The following FBXL2 variants were observed in gnomAD, a reference collection of about 807,000 sequenced individuals.
The protein encoded by FBXL2 is F-box and leucine rich repeat protein 2.
A neutral mutation model predicts 69.2 loss-of-function variants in FBXL2; 38 were observed. That is an observed-to-expected ratio of 0.55 (90% CI 0.42 to 0.72). The LOEUF is 0.72. Among genes scored for constraint, FBXL2 ranks in the 30% least tolerant of loss-of-function variants. The pLI is 0.00. For missense variants in FBXL2, 354 were observed against 520.3 expected (o/e 0.68, Z 3.11); for synonymous variants, 192 against 201.3 (o/e 0.95, Z 0.39).
chr3:33,277,611 A>C (rs1441931544), intron 1 of FBXL2, 96 bp downstream of exon 1: 1 of 1,197,710 alleles, frequency 8.3e-7, no homozygotes, highest in Non-Finnish European at 1.1e-6. Context: ...CAGGCGGCGC[A>C]GGGGTCGTGG....
At chr3:33,397,173 A>G (rs1216076750) in intron 12 of FBXL2, 5 of 1,490,858 alleles carry the variant, frequency 3.4e-6, no homozygotes, top group Non-Finnish European at 4.5e-6. Flanking sequence ...AAATAAATGG[A>G]AAAAGAACAG....
chr3:33,312,459 TTTGTGATTC>T (rs2037298005), intron 2 of FBXL2, among the ~76,000 whole-genome samples: 2 of 152,194 alleles, frequency 1.3e-5, no homozygotes, highest in Non-Finnish European at 2.9e-5. Context: ...TTTCCTGATT[TTTGTGATTC>T]TTGTGGCTGT....
downstream of FBXL2, chr3:33,390,555 C>T (rs2043719187): frequency 1.6e-6 from 1 of 633,950 alleles, no homozygotes. Flanking sequence ...TGTACACATT[C>T]CCTTTTTAGA....
At chr3:33,286,770 T>C (rs1474248972) in intron 1 of FBXL2, among the ~76,000 whole-genome samples, 1 of 152,224 alleles carries the variant, frequency 6.6e-6, no homozygotes, top group African/African-American at 2.4e-5. Flanking sequence ...TCTCCTGCCT[T>C]GCAGTTCAAT....
Position 33,386,181 on chromosome 3 carries a change from CAAAGA to C in FBXL2, c.*579_*583del, listed in dbSNP as rs2043417701. ...ATGTTAATAGGTTTCCATGAGACAC[CAAAGA>C]AAAGAGGACTCTATACTGGGTGGAG... is the stretch of plus-strand genomic sequence containing the variant. On this transcript the variant is annotated 3_prime_UTR_variant, in exon 15 of 15. Coordinates refer to ENST00000484457, the MANE Select transcript of FBXL2 (RefSeq NM_012157.5). 6.3e-6 allele frequency: 1 copy of C among 158,480 alleles called. No homozygotes were observed. The highest frequency in any genetic ancestry group is 2.4e-5 in the African/African-American group (1 of 41,394). The allele number at this position is 158,480 out of a possible 1,614,324, so 9.8% of individuals were successfully genotyped here. A position where few individuals can be genotyped will look rare whatever the true frequency, so the allele number is the denominator to read the frequency against.
chr3:33,422,184 G>A, the FBXL2 span, among the ~76,000 whole-genome samples: 1 of 152,286 alleles, frequency 6.6e-6, no homozygotes, highest in Admixed American at 6.5e-5. Context: ...AAGAGGTAGG[G>A]TGAAAGATAC....
chr3:33,373,731 G>A (rs1467189630), intron 8 of FBXL2, 27 bp downstream of exon 8: 35 of 1,614,056 alleles, frequency 2.2e-5, no homozygotes, highest in Non-Finnish European at 2.9e-5. Context: ...ACAGCTGTTT[G>A]TGTTATGTGT....
intron 2 of FBXL2, among the ~76,000 whole-genome samples, chr3:33,334,310 A>G (rs539538441): frequency 6.6e-6 from 1 of 152,316 alleles, no homozygotes; most frequent in South Asian, 2.1e-4. Flanking sequence ...GGAAAGATGG[A>G]TGTAAGGATT....
intron 12 of FBXL2, among the ~76,000 whole-genome samples, chr3:33,398,914 A>G (rs969366464): frequency 6.6e-6 from 1 of 152,226 alleles, no homozygotes; most frequent in Non-Finnish European, 1.5e-5. Flanking sequence ...AAAAGGCTTT[A>G]CTTAATCATA....
chr3:33,393,101 C>G, intron 12 of FBXL2: 1 of 524,786 alleles, frequency 1.9e-6, no homozygotes, highest in Non-Finnish European at 3.1e-6. Flanking sequence ...TGGGGGGAGG[C>G]TAAGCCAGTT....
At chr3:33,354,148 TA>T (rs2041025625) in intron 2 of FBXL2, among the ~76,000 whole-genome samples, 1 of 152,176 alleles carries the variant, frequency 6.6e-6, no homozygotes, top group South Asian at 2.1e-4. Context: ...ATGTTAATGA[TA>T]GGGGGAACTA....
chr3:33,330,142 C>T (rs562741657), intron 2 of FBXL2, among the ~76,000 whole-genome samples: 5 of 152,054 alleles, frequency 3.3e-5, no homozygotes, highest in African/African-American at 1.2e-4. Flanking sequence ...AATTAGCCAG[C>T]TGTGGTCTTG....
chr3:33,280,570 A>G (rs931395611), intron 1 of FBXL2, among the ~76,000 whole-genome samples: 1 of 152,022 alleles, frequency 6.6e-6, no homozygotes, highest in Non-Finnish European at 1.5e-5. Context: ...TTAGCCAGGC[A>G]TGGTGGTGCA....
intron 1 of FBXL2, among the ~76,000 whole-genome samples, chr3:33,293,701 A>G (rs1575100120): frequency 6.6e-6 from 1 of 152,148 alleles, no homozygotes; most frequent in Non-Finnish European, 1.5e-5. Context: ...TCTTTGTAAT[A>G]ACAGAAAATA....
intron 2 of FBXL2, among the ~76,000 whole-genome samples, chr3:33,319,048 T>C (rs1306421150): frequency 1.3e-5 from 2 of 152,218 alleles, no homozygotes; most frequent in Non-Finnish European, 2.9e-5. Context: ...CCAGGCAAGA[T>C]GGGAGTTTTC....
At chr3:33,313,959 C>G (rs2037443848) in intron 2 of FBXL2, among the ~76,000 whole-genome samples, 1 of 152,072 alleles carries the variant, frequency 6.6e-6, no homozygotes. Flanking sequence ...ATTTTCTTTT[C>G]TTGATTATCT....
At chr3:33,331,630 G>C (rs957179198) in intron 2 of FBXL2, among the ~76,000 whole-genome samples, 1 of 152,094 alleles carries the variant, frequency 6.6e-6, no homozygotes, top group Non-Finnish European at 1.5e-5. Flanking sequence ...GAAACCTTTG[G>C]GAGAACTTGG....
intron 2 of FBXL2, among the ~76,000 whole-genome samples, chr3:33,352,078 A>G (rs972420568): frequency 1.3e-5 from 2 of 152,218 alleles, no homozygotes; most frequent in Non-Finnish European, 2.9e-5. Context: ...TTTAAGACTT[A>G]GTATAAAGCT....
chr3:33,332,536 C>T lies in FBXL2; in HGVS notation c.66-26431C>T, dbSNP rs186677301. On this transcript the variant is annotated intron_variant, in intron 2 of 14. Coordinates refer to ENST00000484457, the MANE Select transcript of FBXL2 (RefSeq NM_012157.5). The stretch of plus-strand genomic sequence containing the variant: ...TGGGAATAATCCAAATGTCCATCAA[C>T]GGATAAATGTATGAACTAATTGTGG... 1.8e-4 allele frequency among the ~76,000 whole-genome samples: 28 copies of T among 152,332 alleles called. No individual in the cohort carries two copies. The South Asian group carries it at 5.0e-3, about 27-fold the overall frequency.
Sources: gnomAD v4.1 joint callset for allele counts (sites outside exome capture counted in the v4.1 genomes callset) on GRCh38, gnomAD v4.1.1 for gene constraint, MANE v1.5 for transcripts, NCBI Gene and HGNC (gene_info 2026-07-23, HGNC 2026-07-21) for gene names.